The following SEL1L3 variants were observed in gnomAD, a reference collection of about 807,000 sequenced individuals.
SEL1L3 encodes SEL1L family member 3.
In SEL1L3, 76 loss-of-function variants were observed where a neutral mutation model predicts 142.8. The observed-to-expected ratio is 0.53, with a 90% confidence interval of 0.44 to 0.64. The LOEUF (loss-of-function observed/expected upper bound fraction) is 0.64. SEL1L3 is among the 30% of genes least tolerant of loss of function. SEL1L3 has a pLI of 0.00. For synonymous variants in SEL1L3, 504 were observed against 519.6 expected (o/e 0.97, Z 0.41); for missense variants, 1,262 against 1,381.7 (o/e 0.91, Z 1.37).
At chr4:25,781,310 A>G (rs1719985552) in intron 15 of SEL1L3, among the ~76,000 whole-genome samples, 1 of 152,130 alleles carries the variant, frequency 6.6e-6, no homozygotes, top group Admixed American at 6.6e-5. Flanking sequence ...GGTGCCTGGC[A>G]CTGGGTGGGT....
chr4:25,756,734 A>G lies in SEL1L3; in HGVS notation c.3259+800T>C, dbSNP rs559663370. 5.6e-5 allele frequency: 62 copies of G among 1,115,240 alleles called. No homozygotes were observed. The African/African-American group carries it at 7.8e-4, about 14-fold the overall frequency. 69.1% of individuals were successfully genotyped at this position (1,115,240 alleles called of 1,614,324 possible). On this transcript the variant is annotated intron_variant, in intron 23 of 23. Coordinates refer to ENST00000399878, the MANE Select transcript of SEL1L3 (RefSeq NM_015187.5). ...GGAAACCATGCTCAGCTAAATGCCC[A>G]CTTTACGATTCCTGCTCAGTCCCTC...
intron 9 of SEL1L3, among the ~76,000 whole-genome samples, chr4:25,811,748 G>GTTTTTTTTTTT (rs60024973): frequency 3.3e-5 from 4 of 121,614 alleles, no homozygotes; most frequent in Non-Finnish European, 3.6e-5. Flanking sequence ...TTCTTTTCCT[G>GTTTTTTTTTTT]TTTTTTTTTT....
the SEL1L3 span, among the ~76,000 whole-genome samples, chr4:25,728,721 G>A: frequency 1.3e-5 from 2 of 152,000 alleles, no homozygotes; most frequent in South Asian, 4.2e-4. Flanking sequence ...GAGGTCAGGA[G>A]TTCAAGACCA....
At chr4:25,729,924 T>TCCC in the SEL1L3 span, among the ~76,000 whole-genome samples, 14,225 of 147,790 alleles carry the variant, frequency 0.096, 801 homozygotes, top group African/African-American at 0.17. Flanking sequence ...TTCTTCTTCT[T>TCCC]CTCCTTCTTC....
intron 11 of SEL1L3, 112 bp from the exon 12 acceptor site, chr4:25,790,686 GGGAGGGAGGGAGGGAA>G (rs2109192692): frequency 1.0e-5 from 1 of 100,292 alleles, no homozygotes; most frequent in African/African-American, 4.4e-5. Flanking sequence ...GAGGGAGGGA[GGGAGGGAGGGAGGGAA>G]GGAAGAAAAG....
intron 23 of SEL1L3, among the ~76,000 whole-genome samples, chr4:25,754,279 G>C (rs769661291): frequency 6.6e-6 from 1 of 151,338 alleles, no homozygotes; most frequent in Non-Finnish European, 1.5e-5. Context: ...TCCAGCCTGG[G>C]CAACAAGAGC....
chr4:25,807,070 A>C (rs12640773), intron 9 of SEL1L3, among the ~76,000 whole-genome samples: 91,905 of 152,034 alleles, frequency 0.6, 28,505 homozygotes, highest in South Asian at 0.76. Context: ...GTATTATGCC[A>C]TTGTAGAGTC....
intron 5 of SEL1L3, 89 bp from the exon 6 acceptor site, chr4:25,830,245 T>G: frequency 1.3e-6 from 1 of 796,054 alleles, no homozygotes; most frequent in Admixed American, 2.2e-5. Context: ...TCATGATATG[T>G]GTTGGAGAGT....
chr4:25,852,502 G>A (rs115079852), intron 1 of SEL1L3, among the ~76,000 whole-genome samples: 135 of 152,336 alleles, frequency 8.9e-4, no homozygotes, highest in African/African-American at 3.0e-3. Flanking sequence ...AAATCACAGT[G>A]TTAAGTCCAC....
chr4:25,751,849 G>A lies in SEL1L3; in HGVS notation c.3260-3285C>T, dbSNP rs957105201. The stretch of plus-strand genomic sequence containing the variant: ...GAATGGGCTGGGCACGGTGGCTCAC[G>A]CCTGTAATCCCAGCACTTTGGGAGG... On this transcript the variant is annotated intron_variant, in intron 23 of 23. Transcript: ENST00000399878. 9.7e-4 allele frequency among the ~76,000 whole-genome samples: 147 copies of A among 152,004 alleles called. No homozygotes were observed. In the Middle Eastern group the frequency reaches 0.01, roughly 11 times the overall value.
chr4:25,788,376 T>C lies in SEL1L3; in HGVS notation c.2077-12A>G, dbSNP rs1019575519. 4 of 1,613,220 alleles carry C rather than the reference T, an allele frequency of 2.5e-6. No individual in the cohort carries two copies. Among genetic ancestry groups the C allele is most frequent in the Admixed American group, 1.7e-5 (1 of 59,896 alleles). ...TGGGCCAATCGTTGCTTAAAGATAA[T>C]AGCAATTTAGAACAATGACTTTTCC... On this transcript the variant is annotated splice_polypyrimidine_tract_variant and intron_variant, in intron 12 of 23. Transcript: ENST00000399878. This position sits in a 1 kb window ranked among gnomAD's most constrained non-coding sequence, Gnocchi z 5.3.
intron 20 of SEL1L3, among the ~76,000 whole-genome samples, chr4:25,762,663 C>T (rs1227307955): frequency 6.6e-6 from 1 of 152,092 alleles, no homozygotes; most frequent in Non-Finnish European, 1.5e-5. Context: ...CACAATCCTA[C>T]AATAAATGAT....
At chr4:25,828,578 G>C (rs1715241035) in intron 6 of SEL1L3, among the ~76,000 whole-genome samples, 1 of 151,740 alleles carries the variant, frequency 6.6e-6, no homozygotes, top group Non-Finnish European at 1.5e-5. Context: ...AGAGATGGGG[G>C]TTTCACTATG....
At chr4:25,724,046 C>T in the SEL1L3 span, among the ~76,000 whole-genome samples, 5 of 152,294 alleles carry the variant, frequency 3.3e-5, no homozygotes, top group Admixed American at 6.5e-5. Context: ...CTCCACAGCC[C>T]GGTAGGGCCC....
At chr4:25,807,825 C>T (rs1381052043) in intron 9 of SEL1L3, among the ~76,000 whole-genome samples, 1 of 152,064 alleles carries the variant, frequency 6.6e-6, no homozygotes, top group East Asian at 1.9e-4. Context: ...CTTCACAAAG[C>T]TCAAATCTTT....
chr4:25,745,564 G>A (rs1014444192), downstream of SEL1L3, among the ~76,000 whole-genome samples: 4 of 152,206 alleles, frequency 2.6e-5, no homozygotes, highest in Admixed American at 2.0e-4. Flanking sequence ...TTCTCAAGGT[G>A]AAGGGAGTGT....
intron 1 of SEL1L3, chr4:25,861,911 T>G (rs1717734226): frequency 6.6e-6 from 1 of 152,162 alleles, no homozygotes; most frequent in African/African-American, 2.4e-5. Context: ...GTATTTAAAA[T>G]AAATGGGTTT....
chr4:25,743,658 T>A (rs187104746), downstream of SEL1L3, among the ~76,000 whole-genome samples: 1 of 152,324 alleles, frequency 6.6e-6, no homozygotes, highest in Non-Finnish European at 1.5e-5. Context: ...TGCATTGTTT[T>A]GAGTTTCTGA....
the SEL1L3 span, among the ~76,000 whole-genome samples, chr4:25,728,020 A>G: frequency 6.6e-6 from 1 of 152,164 alleles, no homozygotes; most frequent in Non-Finnish European, 1.5e-5. Context: ...TCCAGTACGT[A>G]GTCTTCATGG....
Sources: gnomAD v4.1 joint callset for allele counts (sites outside exome capture counted in the v4.1 genomes callset) on GRCh38, gnomAD v4.1.1 for gene constraint, Gnocchi (gnomAD v3.1) non-coding constraint, MANE v1.5 for transcripts, NCBI Gene and HGNC (gene_info 2026-07-23, HGNC 2026-07-21) for gene names.